Variants in TESPA1 observed in about 807,000 individuals in gnomAD.
The protein encoded by TESPA1 is protein TESPA1.
A neutral mutation model predicts 57.9 loss-of-function variants in TESPA1; 33 were observed. The observed-to-expected ratio is 0.57, with a 90% CI of 0.43 to 0.76. The LOEUF is 0.76. TESPA1 is among the 30% of genes least tolerant of loss of function. The probability of loss-of-function intolerance (pLI) is 0.00; values close to 1 mark genes in which losing one functional copy is unlikely to be tolerated. For synonymous variants in TESPA1, 227 were observed against 228.9 expected (o/e 0.99, Z 0.07); for missense variants, 618 against 632.9 (o/e 0.98, Z 0.25).
intron 1 of TESPA1, among the ~76,000 whole-genome samples, chr12:54,979,452 C>T (rs1030091997): frequency 2.6e-5 from 4 of 152,322 alleles, no homozygotes; most frequent in African/African-American, 9.6e-5. Context: ...ACCCTCATGT[C>T]CCCCCTCTGC....
chr12:54,962,875 C>T lies in TESPA1; in HGVS notation c.1023G>A (p.Gln341=). Residue 341 remains glutamine, a synonymous_variant, in exon 9 of 11, where the codon CAG becomes CAA. Coordinates refer to ENST00000449076, the MANE Select transcript of TESPA1 (RefSeq NM_001136030.3). ...CCTCAGCAGGGGGCACAGGATCTTC[C>T]TGTGAGAATTGCCCCAAATCAGAGT... ...QQDSDLGQFS[Q]EDPVPPAEGK... The T allele has an allele frequency of 6.2e-7, 1 of 1,613,728 alleles. No homozygotes were observed. Among genetic ancestry groups the T allele is most frequent in the South Asian group, 1.1e-5 (1 of 91,068 alleles).
chr12:54,963,273 G>A, intron 8 of TESPA1, 31 bp from the exon 9 acceptor site: 1 of 1,571,076 alleles, frequency 6.4e-7, no homozygotes, highest in Non-Finnish European at 8.6e-7. Context: ...TGGTAAGTCT[G>A]GGGTTCATCA....
chr12:54,963,341 G>A, intron 8 of TESPA1, 99 bp from the exon 9 acceptor site: 1 of 1,201,978 alleles, frequency 8.3e-7, no homozygotes, highest in Non-Finnish European at 1.1e-6. Flanking sequence ...AATTCAGGGA[G>A]AAGCTTCCAA....
intron 3 of TESPA1, 174 bp from the exon 4 acceptor site, chr12:54,968,066 TAGA>T (rs1430740404): frequency 1.3e-6 from 2 of 1,493,662 alleles, no homozygotes; most frequent in Non-Finnish European, 1.8e-6. Flanking sequence ...GAAAAATTCA[TAGA>T]AGTAGTTGGG....
In TESPA1 at chr12:54,949,914, T is replaced by A. The variant is rs1281382798; in HGVS notation, c.*478A>T. 5.7e-6 allele frequency: 1 copy of A among 174,152 alleles called. No individual in the cohort carries two copies. The highest frequency in any genetic ancestry group is 1.2e-5 in the Non-Finnish European group (1 of 82,106). 10.8% of individuals were successfully genotyped at this position (174,152 alleles called of 1,614,324 possible). ...GTGCAGAGGGAATCCTAGTGTGAGATGTACCATGCTTTTAGAGCCAGAAAG... is the reference window on the plus strand; with the variant it reads ...GTGCAGAGGGAATCCTAGTGTGAGAAGTACCATGCTTTTAGAGCCAGAAAG... On this transcript the variant is annotated 3_prime_UTR_variant, in exon 11 of 11. Transcript: ENST00000449076.
At chr12:54,951,951 A>C (rs1487881440) in intron 10 of TESPA1, among the ~76,000 whole-genome samples, 1 of 148,654 alleles carries the variant, frequency 6.7e-6, no homozygotes, top group African/African-American at 2.5e-5. Flanking sequence ...AACTCCAAAA[A>C]GCTCAATTCC....
At position 54,950,213 on chromosome 12, in the gene TESPA1, C is replaced by G; in HGVS notation, c.*179G>C. On this transcript the variant is annotated 3_prime_UTR_variant, in exon 11 of 11. Coordinates refer to ENST00000449076, the MANE Select transcript of TESPA1 (RefSeq NM_001136030.3). Reference sequence around the variant, plus strand: ...GGATGTGGATTCCAAATCGCTCAGTCTGGTCTTCCTCCCCATGTACCATGC... The same window carrying G: ...GGATGTGGATTCCAAATCGCTCAGTGTGGTCTTCCTCCCCATGTACCATGC... 1 of 454,730 alleles carries G rather than the reference C, an allele frequency of 2.2e-6. No homozygotes were observed. The highest frequency in any genetic ancestry group is 4.4e-6 in the Non-Finnish European group (1 of 226,584). 28.2% of individuals were successfully genotyped at this position (454,730 alleles called of 1,614,324 possible). A position where few individuals can be genotyped will look rare whatever the true frequency, so the allele number is the denominator to read the frequency against.
Position 54,949,320 on chromosome 12 carries a change from T to C in TESPA1, c.*1072A>G, listed in dbSNP as rs1171496943. 1 of 151,816 alleles carries C rather than the reference T, an allele frequency of 6.6e-6. No homozygotes were observed. Among genetic ancestry groups the C allele is most frequent in the Non-Finnish European group, 1.5e-5 (1 of 68,008 alleles). 9.4% of individuals were successfully genotyped at this position (151,816 alleles called of 1,614,324 possible). ...TCTGCTTATCATGTCTGGTGTAATTTTTTCCTTTAAACTTTTGGTTATGAT... is the reference window on the plus strand; with the variant it reads ...TCTGCTTATCATGTCTGGTGTAATTCTTTCCTTTAAACTTTTGGTTATGAT... On this transcript the variant is annotated 3_prime_UTR_variant, in exon 11 of 11. Transcript: ENST00000449076.
intron 10 of TESPA1, among the ~76,000 whole-genome samples, chr12:54,951,499 C>T (rs1950388115): frequency 6.6e-6 from 1 of 152,158 alleles, no homozygotes; most frequent in African/African-American, 2.4e-5. Context: ...TCTTTCCTTC[C>T]AGGGAAATAT....
chr12:54,962,540 T>C lies in TESPA1; in HGVS notation c.1358A>G (p.Lys453Arg), dbSNP rs374552133. Residue 453 changes from lysine to arginine, a missense_variant, in exon 9 of 11, where the codon AAG becomes AGG. This residue lies in a region of TESPA1 where 409 missense variants were observed against 420.1 expected (regional missense o/e 0.97). Coordinates refer to ENST00000449076, the MANE Select transcript of TESPA1 (RefSeq NM_001136030.3). ...FQKNLMGRKV[K>R]SLDLSITQQK... ...CTGGGTGATGGACAGGTCCAAGGAC[T>C]TAACCTTCCTGCCCATGAGATTCTT... The C allele has an allele frequency of 9.3e-6, 15 of 1,613,772 alleles. No homozygotes were observed. The African/African-American group carries it at 2.0e-4, about 22-fold the overall frequency.
chr12:54,949,434 C>A lies in TESPA1; in HGVS notation c.*958G>T, dbSNP rs949978395. 1 of 147,274 alleles carries A rather than the reference C, an allele frequency of 6.8e-6. No individual in the cohort carries two copies. Among genetic ancestry groups the A allele is most frequent in the South Asian group, 2.2e-4 (1 of 4,632 alleles). 9.1% of individuals were successfully genotyped at this position (147,274 alleles called of 1,614,324 possible). A position where few individuals can be genotyped will look rare whatever the true frequency, so the allele number is the denominator to read the frequency against. On this transcript the variant is annotated 3_prime_UTR_variant, in exon 11 of 11. Transcript: ENST00000449076. ...ATTTATTAGGCAGCCAAATAATATA[C>A]TTCTGGAAATGCGTGCATCTTACTT...
At chr12:54,978,202 A>T (rs1952201068) in intron 1 of TESPA1, among the ~76,000 whole-genome samples, 1 of 152,332 alleles carries the variant, frequency 6.6e-6, no homozygotes, top group East Asian at 1.9e-4. Flanking sequence ...CAAATAAGTC[A>T]TTCGAAAACG....
chr12:54,982,956 A>T (rs994251754), intron 1 of TESPA1, among the ~76,000 whole-genome samples: 1 of 152,212 alleles, frequency 6.6e-6, no homozygotes, highest in Non-Finnish European at 1.5e-5. Context: ...GGGTGTTGTA[A>T]GGCACACAGT....
intron 10 of TESPA1, among the ~76,000 whole-genome samples, chr12:54,954,800 A>G (rs1950630670): frequency 6.6e-6 from 1 of 152,212 alleles, no homozygotes. Flanking sequence ...ATTTCACTGT[A>G]TATATATGTC....
At chr12:54,956,529 A>G (rs1168561584) in intron 10 of TESPA1, among the ~76,000 whole-genome samples, 1 of 152,190 alleles carries the variant, frequency 6.6e-6, no homozygotes, top group Non-Finnish European at 1.5e-5. Flanking sequence ...GCATGGTGGA[A>G]ATTATGAGGA....
At chr12:54,969,421 G>A (rs1406678620) in intron 3 of TESPA1, among the ~76,000 whole-genome samples, 1 of 151,946 alleles carries the variant, frequency 6.6e-6, no homozygotes, top group Non-Finnish European at 1.5e-5. Flanking sequence ...TGTTGTAGCT[G>A]CACAGTAGTG....
At chr12:54,960,496 G>C (rs1951005974) in intron 10 of TESPA1, among the ~76,000 whole-genome samples, 1 of 152,220 alleles carries the variant, frequency 6.6e-6, no homozygotes, top group South Asian at 2.1e-4. Flanking sequence ...ACATTGAGGA[G>C]TCTGCTCTGA....
chr12:54,950,295 T>C lies in TESPA1; in HGVS notation c.*97A>G, dbSNP rs1185109830. The C allele has an allele frequency of 2.2e-6, 1 of 456,904 alleles. No homozygotes were observed. Among genetic ancestry groups the C allele is most frequent in the South Asian group, 1.5e-5 (1 of 64,554 alleles). The allele number at this position is 456,904 out of a possible 1,614,324, so 28.3% of individuals were successfully genotyped here. On this transcript the variant is annotated 3_prime_UTR_variant, in exon 11 of 11. Transcript: ENST00000449076. Reference sequence around the variant, plus strand: ...AGGACCAAGGAGTAGGGGCTGGATGTTGAGGGCAGTGCAGTTTCCTGCAAG... The same window carrying C: ...AGGACCAAGGAGTAGGGGCTGGATGCTGAGGGCAGTGCAGTTTCCTGCAAG...
intron 8 of TESPA1, 121 bp from the exon 9 acceptor site, chr12:54,963,363 G>T: frequency 1.0e-6 from 1 of 987,588 alleles, no homozygotes; most frequent in Non-Finnish European, 1.4e-6. Context: ...TTTCCTACTA[G>T]TGTTTCTCCC....
Sources: allele counts gnomAD v4.1 joint callset (sites outside exome capture counted in the v4.1 genomes callset), GRCh38; gene constraint gnomAD v4.1.1; regional missense constraint gnomAD v4.1.1; transcripts MANE v1.5; gene names NCBI Gene and HGNC (gene_info 2026-07-23, HGNC 2026-07-21).